Variants in CRISPLD2 observed in about 807,000 individuals in gnomAD.
CRISPLD2 encodes the protein cysteine rich secretory protein LCCL domain containing 2.
A neutral mutation model predicts 71.1 loss-of-function variants in CRISPLD2; 47 were observed. That is an observed-to-expected ratio of 0.66 (90% CI 0.52 to 0.84). CRISPLD2 has a LOEUF of 0.84. Ranked by LOEUF, CRISPLD2 falls within the 40% of genes least tolerant of loss-of-function variation. The pLI is 0.00. For missense variants in CRISPLD2, 830 were observed against 651.1 expected (o/e 1.27, Z -2.99); for synonymous variants, 317 against 250.1 (o/e 1.27, Z -2.52).
rs183543768 is a variant in CRISPLD2 at position 84,895,809 on chromosome 16, C to T, written c.1439+6446C>T. ...GGCTACTGAGCACCTGCTGGATGCT[C>T]GCCTCTGGCCCAGGTACCTCCCTGG... On this transcript the variant is annotated intron_variant, in intron 14 of 14. Transcript: ENST00000262424. 3.4e-3 allele frequency among the ~76,000 whole-genome samples: 525 copies of T among 152,234 alleles called. 4 individuals are homozygous for T. Among genetic ancestry groups the T allele is most frequent in the African/African-American group, 0.012 (511 of 41,534 alleles).
intron 1 of CRISPLD2, among the ~76,000 whole-genome samples, chr16:84,826,023 C>T (rs79322410): frequency 0.019 from 2,904 of 151,732 alleles, 83 homozygotes; most frequent in African/African-American, 0.067. Flanking sequence ...GGTTTTCAGG[C>T]TTCCCTGGAG....
At chr16:84,901,506 G>T (rs947728350) in intron 14 of CRISPLD2, among the ~76,000 whole-genome samples, 1 of 140,238 alleles carries the variant, frequency 7.1e-6, no homozygotes, top group Non-Finnish European at 1.5e-5. Flanking sequence ...GAGTCTCCCT[G>T]TGTCGCCCAG....
chr16:84,884,005 C>G, intron 13 of CRISPLD2, among the ~76,000 whole-genome samples: 1 of 152,032 alleles, frequency 6.6e-6, no homozygotes, highest in South Asian at 2.1e-4. Context: ...CACCCACACC[C>G]AGCTAATCTT....
chr16:84,849,172 C>A, intron 3 of CRISPLD2: 2 of 549,784 alleles, frequency 3.6e-6, no homozygotes, highest in South Asian at 4.4e-5. Flanking sequence ...CCTCGGCCTC[C>A]CTCCCTCCTC....
At chr16:84,848,409 G>C (rs3042) in intron 3 of CRISPLD2, among the ~76,000 whole-genome samples, 34,886 of 151,586 alleles carry the variant, frequency 0.23, 4,158 homozygotes, top group Admixed American at 0.28. Flanking sequence ...ATACTTGCTG[G>C]TGACAGTGTG....
chr16:84,862,776 G>A (rs186770114), intron 6 of CRISPLD2, among the ~76,000 whole-genome samples: 121 of 151,648 alleles, frequency 8.0e-4, no homozygotes, highest in South Asian at 2.9e-3. Context: ...GGAAGGGTGG[G>A]GTAGATGTGG....
intron 4 of CRISPLD2, among the ~76,000 whole-genome samples, chr16:84,849,890 GTAT>G (rs1917034809): frequency 9.6e-6 from 1 of 104,700 alleles, no homozygotes; most frequent in African/African-American, 3.2e-5. Flanking sequence ...GCTAATTTTT[GTAT>G]TTTTTTTTTT....
intron 3 of CRISPLD2, among the ~76,000 whole-genome samples, chr16:84,848,537 A>G (rs1916979941): frequency 6.6e-6 from 1 of 151,310 alleles, no homozygotes; most frequent in South Asian, 2.1e-4. Context: ...CGATGACCCC[A>G]CGGAGGATGT....
intron 8 of CRISPLD2, among the ~76,000 whole-genome samples, chr16:84,869,201 C>T (rs2071443962): frequency 6.6e-6 from 1 of 152,130 alleles, no homozygotes; most frequent in African/African-American, 2.4e-5. Context: ...TGAATAAATC[C>T]ATCTAGTTGT....
chr16:84,886,777 C>T (rs1486036457), intron 13 of CRISPLD2, among the ~76,000 whole-genome samples: 3 of 152,178 alleles, frequency 2.0e-5, no homozygotes, highest in African/African-American at 2.4e-5. Flanking sequence ...ATGGTATCAC[C>T]GCACTTCAGC....
At chr16:84,892,413 T>G (rs1485653544) in intron 14 of CRISPLD2, among the ~76,000 whole-genome samples, 1 of 152,070 alleles carries the variant, frequency 6.6e-6, no homozygotes, top group Admixed American at 6.5e-5. Context: ...CAGCCTGGCC[T>G]GGGGGAGAGT....
intron 14 of CRISPLD2, among the ~76,000 whole-genome samples, chr16:84,898,399 A>G (rs144113300): frequency 0.013 from 2,039 of 151,866 alleles, 13 homozygotes; most frequent in South Asian, 0.02. Context: ...TCTTCCTCCT[A>G]CATTTCCACC....
At chr16:84,850,445 C>T (rs1300875136) in intron 4 of CRISPLD2, 123 bp from the exon 5 acceptor site, 2 of 739,396 alleles carry the variant, frequency 2.7e-6, no homozygotes, top group African/African-American at 3.5e-5. Context: ...GGACTAATAT[C>T]TGCTTCCCCA....
chr16:84,882,630 C>T (rs771627199), intron 13 of CRISPLD2, among the ~76,000 whole-genome samples: 21 of 152,166 alleles, frequency 1.4e-4, no homozygotes. Flanking sequence ...GTCTCGAACC[C>T]CTGACCTCAG....
intron 13 of CRISPLD2, among the ~76,000 whole-genome samples, chr16:84,885,262 C>T (rs772500799): frequency 6.6e-6 from 1 of 152,228 alleles, no homozygotes; most frequent in South Asian, 2.1e-4. Context: ...CAAACTCGCC[C>T]CCGCTCACGG....
intron 13 of CRISPLD2, among the ~76,000 whole-genome samples, chr16:84,884,685 G>A (rs185090951): frequency 3.3e-4 from 50 of 152,290 alleles, no homozygotes; most frequent in African/African-American, 2.4e-4. Context: ...TATTGATAAC[G>A]GGGCGGTACC....
chr16:84,854,688 T>C lies in CRISPLD2; in HGVS notation c.609-41T>C, dbSNP rs780461180. The C allele has an allele frequency of 1.0e-5, 15 of 1,485,818 alleles. No individual in the cohort carries two copies. The South Asian group carries it at 1.4e-4, about 13-fold the overall frequency. The allele number at this position is 1,485,818 out of a possible 1,614,324, so 92.0% of individuals were successfully genotyped here. Reference sequence around the variant, plus strand: ...AGAGGATCAGTCCCGAGGCCTCACGTCGTGGTTCCCTCTGACGGTTGTTTT... The same window carrying C: ...AGAGGATCAGTCCCGAGGCCTCACGCCGTGGTTCCCTCTGACGGTTGTTTT... On this transcript the variant is annotated intron_variant, in intron 5 of 14. Coordinates refer to ENST00000262424, the MANE Select transcript of CRISPLD2 (RefSeq NM_031476.4).
chr16:84,889,967 G>A (rs1474841290), intron 14 of CRISPLD2, among the ~76,000 whole-genome samples: 1 of 152,120 alleles, frequency 6.6e-6, no homozygotes, highest in Non-Finnish European at 1.5e-5. Context: ...ATTTCCTTGA[G>A]CCTCAGTTTT....
intron 5 of CRISPLD2, among the ~76,000 whole-genome samples, chr16:84,853,992 C>G (rs916753756): frequency 6.6e-6 from 1 of 152,248 alleles, no homozygotes; most frequent in African/African-American, 2.4e-5. Context: ...TGGAGAAAGC[C>G]TATGGTGCGG....
Sources: gnomAD v4.1 joint callset for allele counts (sites outside exome capture counted in the v4.1 genomes callset) on GRCh38, gnomAD v4.1.1 for gene constraint, MANE v1.5 for transcripts, NCBI Gene and HGNC (gene_info 2026-07-23, HGNC 2026-07-21) for gene names.